The following OSBPL8 variants were observed in gnomAD, a reference collection of about 807,000 sequenced individuals.
The protein encoded by OSBPL8 is oxysterol-binding protein-related protein 8.
OSBPL8 carries 59 observed loss-of-function variants against 125.5 expected under a neutral mutation model. The ratio of observed to expected loss-of-function variants is 0.47; its 90% CI spans 0.38 to 0.58. OSBPL8 has a LOEUF of 0.58. Ranked by LOEUF, OSBPL8 falls within the 20% of genes least tolerant of loss-of-function variation. The probability of loss-of-function intolerance (pLI) is 0.00; values close to 1 mark genes in which losing one functional copy is unlikely to be tolerated. For synonymous variants in OSBPL8, 330 were observed against 338.9 expected, an observed-to-expected ratio of 0.97 and a Z score of 0.29; for missense variants, 758 against 1,047.8, an observed-to-expected ratio of 0.72 and a Z score of 3.82.
At chr12:76,540,515 T>TGC (rs1950611318) in intron 1 of OSBPL8, among the ~76,000 whole-genome samples, 1 of 151,756 alleles carries the variant, frequency 6.6e-6, no homozygotes, top group Non-Finnish European at 1.5e-5. Flanking sequence ...TGTGTGTGTG[T>TGC]GTGTGTGTGT....
intron 16 of OSBPL8, among the ~76,000 whole-genome samples, chr12:76,375,825 T>G (rs1250334179): frequency 6.6e-6 from 1 of 152,128 alleles, no homozygotes; most frequent in Non-Finnish European, 1.5e-5. Context: ...GGTTTTGCTG[T>G]TTAAAATGGA....
At chr12:76,427,540 TA>T (rs145544422) in intron 4 of OSBPL8, among the ~76,000 whole-genome samples, 7 of 151,252 alleles carry the variant, frequency 4.6e-5, no homozygotes, top group African/African-American at 1.2e-4. Flanking sequence ...CTTCAATAAT[TA>T]AAAAAAAACT....
intron 4 of OSBPL8, among the ~76,000 whole-genome samples, chr12:76,430,672 C>G (rs1049404541): frequency 3.3e-5 from 5 of 152,190 alleles, no homozygotes; most frequent in African/African-American, 9.7e-5. Flanking sequence ...GTAAGACTAT[C>G]TACAACATTT....
intron 2 of OSBPL8, among the ~76,000 whole-genome samples, chr12:76,469,832 T>C (rs1215303264): frequency 6.6e-6 from 1 of 152,120 alleles, no homozygotes; most frequent in African/African-American, 2.4e-5. Context: ...CACTGCTATA[T>C]TCCTTAAAAC....
chr12:76,534,266 A>C (rs1950428851), intron 1 of OSBPL8: 1 of 152,252 alleles, frequency 6.6e-6, no homozygotes, highest in Non-Finnish European at 1.5e-5. Flanking sequence ...TGCTTCAGGC[A>C]AGGATAGGAA....
intron 3 of OSBPL8, among the ~76,000 whole-genome samples, chr12:76,459,572 TGAA>T (rs777552027): frequency 1.3e-5 from 2 of 152,192 alleles, no homozygotes; most frequent in Non-Finnish European, 2.9e-5. Context: ...AGAAATACTA[TGAA>T]GAAGAGGTCC....
At chr12:76,512,632 T>C (rs1379734076) in intron 1 of OSBPL8, among the ~76,000 whole-genome samples, 1 of 152,200 alleles carries the variant, frequency 6.6e-6, no homozygotes, top group Non-Finnish European at 1.5e-5. Flanking sequence ...GCCTCCAGCT[T>C]TGTTCTTTTT....
At chr12:76,368,797 G>A (rs1363857059) in intron 21 of OSBPL8, among the ~76,000 whole-genome samples, 1 of 152,088 alleles carries the variant, frequency 6.6e-6, no homozygotes, top group Non-Finnish European at 1.5e-5. Flanking sequence ...AAGTCCTTCA[G>A]GTAGTATTCT....
rs1487722003 is a variant in OSBPL8, at chr12:76,354,754, A to G, written c.*1135T>C. 1 of 152,016 alleles carries G rather than the reference A, an allele frequency of 6.6e-6. No homozygotes were observed. The highest frequency in any genetic ancestry group is 2.4e-5 in the African/African-American group (1 of 41,448). 9.4% of individuals were successfully genotyped at this position (152,016 alleles called of 1,614,324 possible). On this transcript the variant is annotated 3_prime_UTR_variant, in exon 24 of 24. Transcript: ENST00000261183. ...AAAGAATTGTGGTTTTGCCACAGAAAGAAGTTACTAAGAAGAGAGGAGGAT... is the reference window on the plus strand; with the variant it reads ...AAAGAATTGTGGTTTTGCCACAGAAGGAAGTTACTAAGAAGAGAGGAGGAT...
rs1169073515 is a variant in OSBPL8 at position 76,354,059 on chromosome 12, T to C, written c.*1830A>G. The C allele has an allele frequency of 6.6e-6, 1 of 152,328 alleles. No homozygotes were observed. The highest frequency in any genetic ancestry group is 2.4e-5 in the African/African-American group (1 of 41,430). 9.4% of individuals were successfully genotyped at this position (152,328 alleles called of 1,614,324 possible). On this transcript the variant is annotated 3_prime_UTR_variant, in exon 24 of 24. Transcript: ENST00000261183. ...ATCAATTTGTATGTAATTAACTAATTTAAACCATAAAAAAGATCAAATTGT... is the reference window on the plus strand; with the variant it reads ...ATCAATTTGTATGTAATTAACTAATCTAAACCATAAAAAAGATCAAATTGT...
intron 4 of OSBPL8, among the ~76,000 whole-genome samples, chr12:76,437,778 C>T (rs1215106652): frequency 2.0e-5 from 3 of 152,072 alleles, no homozygotes; most frequent in African/African-American, 4.8e-5. Context: ...ATTTTCCTAT[C>T]GTAAACATGG....
At chr12:76,511,266 G>A (rs937411853) in intron 1 of OSBPL8, among the ~76,000 whole-genome samples, 13 of 152,146 alleles carry the variant, frequency 8.5e-5, no homozygotes, top group African/African-American at 2.9e-4. Flanking sequence ...ACCCAGTAAC[G>A]GGACTGCTGG....
At chr12:76,512,564 T>G (rs1881110598) in intron 1 of OSBPL8, among the ~76,000 whole-genome samples, 2 of 152,226 alleles carry the variant, frequency 1.3e-5, no homozygotes, top group Non-Finnish European at 2.9e-5. Flanking sequence ...TTCTACAGGT[T>G]CCATACTGTT....
At chr12:76,363,156 T>G (rs1952274192) in intron 21 of OSBPL8, among the ~76,000 whole-genome samples, 1 of 152,218 alleles carries the variant, frequency 6.6e-6, no homozygotes, top group Non-Finnish European at 1.5e-5. Flanking sequence ...ACCACTGACT[T>G]TCTTCACAGA....
At chr12:76,360,828 G>C (rs747337323) in intron 21 of OSBPL8, among the ~76,000 whole-genome samples, 50 of 152,168 alleles carry the variant, frequency 3.3e-4, no homozygotes, top group Non-Finnish European at 5.9e-5. Flanking sequence ...TTTTAGCAAT[G>C]GCTGAAGCGG....
intron 5 of OSBPL8, 141 bp downstream of exon 5, chr12:76,410,423 A>G: frequency 1.8e-6 from 1 of 567,520 alleles, no homozygotes; most frequent in Non-Finnish European, 3.1e-6. Context: ...ATGGAACTTC[A>G]CTCTTTTAAT....
chr12:76,402,082 C>G (rs1954073140), intron 6 of OSBPL8, among the ~76,000 whole-genome samples: 1 of 152,150 alleles, frequency 6.6e-6, no homozygotes, highest in Non-Finnish European at 1.5e-5. Context: ...ATTAACCTAT[C>G]TGATTTAATA....
intron 4 of OSBPL8, among the ~76,000 whole-genome samples, chr12:76,424,516 G>C (rs1413825395): frequency 2.6e-5 from 4 of 152,200 alleles, no homozygotes; most frequent in Middle Eastern, 3.4e-3. Context: ...TCATGTAATG[G>C]TGCTTGCCTT....
chr12:76,456,787 A>T (rs1443503463), intron 3 of OSBPL8, among the ~76,000 whole-genome samples: 1 of 152,198 alleles, frequency 6.6e-6, no homozygotes, highest in African/African-American at 2.4e-5. Flanking sequence ...AATGTTATTA[A>T]GAAAATCATA....
Sources: allele counts gnomAD v4.1 joint callset (sites outside exome capture counted in the v4.1 genomes callset), GRCh38; gene constraint gnomAD v4.1.1; transcripts MANE v1.5; gene names NCBI Gene and HGNC (gene_info 2026-07-23, HGNC 2026-07-21).